The following GLG1 variants were observed in gnomAD, a reference collection of about 807,000 sequenced individuals.
GLG1 encodes golgi glycoprotein 1, also known as Golgi apparatus protein 1.
In GLG1, 38 loss-of-function variants were observed where a neutral mutation model predicts 160.5. The ratio of observed to expected loss-of-function variants is 0.24; its 90% CI spans 0.18 to 0.31. The LOEUF is 0.31. GLG1 is among the 10% of genes least tolerant of loss of function. The pLI, the probability that GLG1 is intolerant of heterozygous loss-of-function variation, is 1.00. For missense variants in GLG1, 1,373 were observed against 1,505.2 expected (o/e 0.91, Z 1.45); for synonymous variants, 644 against 543.4 (o/e 1.19, Z -2.57).
Position 74,508,949 on chromosome 16 carries a change from A to G in GLG1, c.472-24T>C, listed in dbSNP as rs766078598. 8.6e-6 allele frequency: 8 copies of G among 927,128 alleles called. No individual in the cohort carries two copies. The East Asian group carries it at 1.9e-4, about 22-fold the overall frequency. 57.4% of individuals were successfully genotyped at this position (927,128 alleles called of 1,614,324 possible). A position where few individuals can be genotyped will look rare whatever the true frequency, so the allele number is the denominator to read the frequency against. ...AACTAGATAGGAGAGGAAAAAAAAA[A>G]ACAAAGAAAAACTCCAGTTAGAACA... On this transcript the variant is annotated intron_variant, in intron 2 of 25. Transcript: ENST00000422840.
intron 2 of GLG1, among the ~76,000 whole-genome samples, chr16:74,523,817 A>G (rs2017249145): frequency 6.6e-6 from 1 of 152,212 alleles, no homozygotes; most frequent in African/African-American, 2.4e-5. Flanking sequence ...TCTGTTAAGT[A>G]CTTGCTGGTC....
intron 14 of GLG1, 100 bp from the exon 15 acceptor site, chr16:74,471,386 G>A: frequency 1.4e-6 from 1 of 710,292 alleles, no homozygotes; most frequent in South Asian, 1.6e-5. Flanking sequence ...AGTTCTAGAA[G>A]CCCTCACAAA....
At chr16:74,603,323 C>T (rs943018984) in intron 1 of GLG1, among the ~76,000 whole-genome samples, 5 of 150,428 alleles carry the variant, frequency 3.3e-5, no homozygotes, top group South Asian at 2.1e-4. Context: ...GGCAGAAGAA[C>T]TGCTTGAACC....
intron 5 of GLG1, among the ~76,000 whole-genome samples, chr16:74,496,070 T>C (rs2016174002): frequency 6.6e-6 from 1 of 152,030 alleles, no homozygotes; most frequent in African/African-American, 2.4e-5. Context: ...TCAAGACCAG[T>C]CCGGGCAATA....
At chr16:74,489,938 G>A (rs756477190) in intron 8 of GLG1, among the ~76,000 whole-genome samples, 2 of 152,230 alleles carry the variant, frequency 1.3e-5, no homozygotes, top group South Asian at 4.1e-4. Context: ...GATTTTACAC[G>A]ATTATCAGGA....
chr16:74,563,252 A>T (rs2018556357), intron 1 of GLG1: 1 of 152,236 alleles, frequency 6.6e-6, no homozygotes, highest in South Asian at 2.1e-4. Context: ...GAAAGATGAC[A>T]GTCCAATGTG....
At chr16:74,535,356 G>T (rs2017660514) in intron 1 of GLG1, among the ~76,000 whole-genome samples, 1 of 152,230 alleles carries the variant, frequency 6.6e-6, no homozygotes, top group African/African-American at 2.4e-5. Flanking sequence ...GTGCAAATCT[G>T]GACACCAGTG....
At chr16:74,544,569 T>G (rs1029552899) in intron 1 of GLG1, among the ~76,000 whole-genome samples, 4 of 152,172 alleles carry the variant, frequency 2.6e-5, no homozygotes, top group Non-Finnish European at 5.9e-5. Context: ...TGCAATAGCG[T>G]GATCACGGCT....
intron 1 of GLG1, among the ~76,000 whole-genome samples, chr16:74,566,576 C>T (rs956779567): frequency 3.3e-5 from 5 of 152,206 alleles, no homozygotes; most frequent in Non-Finnish European, 4.4e-5. Context: ...TTAATCCAGA[C>T]TACCGTCTTC....
chr16:74,503,404 G>C, intron 4 of GLG1, 127 bp downstream of exon 4: 1 of 691,168 alleles, frequency 1.4e-6, no homozygotes, highest in Non-Finnish European at 2.6e-6. Flanking sequence ...AGGGCTGTCT[G>C]GACAAGTTTC....
chr16:74,452,091 C>T lies in GLG1; in HGVS notation c.*1076G>A, dbSNP rs372420402. 2.5e-6 allele frequency: 4 copies of T among 1,614,010 alleles called. No homozygotes were observed. In the African/African-American group the frequency reaches 5.3e-5, roughly 22 times the overall value. Reference sequence around the variant, plus strand: ...CTGCCTGTCACATCCTGAGACCACACTAAACCTTTATAAGCCATTGTCTCT... The same window carrying T: ...CTGCCTGTCACATCCTGAGACCACATTAAACCTTTATAAGCCATTGTCTCT... On this transcript the variant is annotated 3_prime_UTR_variant, in exon 26 of 26. Transcript: ENST00000422840.
At chr16:74,590,026 AGTCT>A (rs1958137747) in intron 1 of GLG1, among the ~76,000 whole-genome samples, 1 of 151,814 alleles carries the variant, frequency 6.6e-6, no homozygotes, top group Non-Finnish European at 1.5e-5. Flanking sequence ...TTTGAGATGG[AGTCT>A]AGCTCTGTAG....
intron 1 of GLG1, among the ~76,000 whole-genome samples, chr16:74,538,038 G>A (rs1050009534): frequency 1.3e-5 from 2 of 151,366 alleles, no homozygotes; most frequent in Non-Finnish European, 3.0e-5. Context: ...TTGGGAGTTG[G>A]ATGTTGTCTA....
chr16:74,503,458 T>C (rs2016485460), intron 4 of GLG1, 73 bp downstream of exon 4: 2 of 1,010,470 alleles, frequency 2.0e-6, no homozygotes, highest in Admixed American at 1.8e-5. Flanking sequence ...ATTTTTCCCA[T>C]GTCAGTTATA....
intron 4 of GLG1, among the ~76,000 whole-genome samples, chr16:74,498,448 GTATATATATATATATATATTATATTT>G (rs1487440920): frequency 4.2e-5 from 1 of 24,038 alleles, no homozygotes; most frequent in African/African-American, 1.4e-4. Flanking sequence ...AAAAAAAAAA[GTATATATATATATATATATTATATTT>G]TATATATATA....
chr16:74,470,216 G>A (rs1490917372), intron 15 of GLG1, 143 bp from the exon 16 acceptor site: 17 of 652,806 alleles, frequency 2.6e-5, no homozygotes, highest in Non-Finnish European at 4.7e-5. Flanking sequence ...ATCACGACCT[G>A]CTCATCTCTC....
chr16:74,518,327 G>A (rs1347401664), intron 2 of GLG1, among the ~76,000 whole-genome samples: 1 of 152,152 alleles, frequency 6.6e-6, no homozygotes, highest in Non-Finnish European at 1.5e-5. Flanking sequence ...AACCAAAACA[G>A]CGTGGTACTG....
intron 1 of GLG1, among the ~76,000 whole-genome samples, chr16:74,593,385 G>A (rs1179526598): frequency 1.3e-5 from 2 of 151,604 alleles, no homozygotes; most frequent in Non-Finnish European, 2.9e-5. Flanking sequence ...GACTTGCAGG[G>A]CAGTCTTTAT....
At chr16:74,566,479 T>C (rs996767294) in intron 1 of GLG1, among the ~76,000 whole-genome samples, 7 of 152,204 alleles carry the variant, frequency 4.6e-5, no homozygotes, top group African/African-American at 1.7e-4. Flanking sequence ...GTATGTCTCA[T>C]ATTTTAATCC....
Sources: gnomAD v4.1 joint callset for allele counts (sites outside exome capture counted in the v4.1 genomes callset) on GRCh38, gnomAD v4.1.1 for gene constraint, MANE v1.5 for transcripts, NCBI Gene and HGNC (gene_info 2026-07-23, HGNC 2026-07-21) for gene names.